Variants in LRRC4C observed in about 807,000 individuals in gnomAD.
The protein encoded by LRRC4C is leucine-rich repeat-containing protein 4C.
In LRRC4C, 5 loss-of-function variants were observed where a neutral mutation model predicts 33.6. The ratio of observed to expected loss-of-function variants is 0.15; its 90% CI spans 0.08 to 0.31. The LOEUF is 0.31. LRRC4C is among the 10% of genes least tolerant of loss of function. The probability of loss-of-function intolerance (pLI) is 1.00; values close to 1 mark genes in which losing one functional copy is unlikely to be tolerated. For missense variants in LRRC4C, 560 were observed against 796.7 expected, an observed-to-expected ratio of 0.70 and a Z score of 3.58; for synonymous variants, 329 against 302.0, an observed-to-expected ratio of 1.09 and a Z score of -0.93.
chr11:40,479,390 T>C (rs572288323), intron 3 of LRRC4C, among the ~76,000 whole-genome samples: 1 of 152,304 alleles, frequency 6.6e-6, no homozygotes, highest in Admixed American at 6.5e-5. Flanking sequence ...ACAAGGTTCC[T>C]GTCCTTCTGG....
At chr11:41,295,712 T>A (rs1301408636) in intron 1 of LRRC4C, among the ~76,000 whole-genome samples, 4 of 152,158 alleles carry the variant, frequency 2.6e-5, no homozygotes, top group Non-Finnish European at 5.9e-5. Flanking sequence ...TATCATATCA[T>A]GTCTTATATT....
chr11:40,519,977 A>T (rs539973848), intron 3 of LRRC4C, among the ~76,000 whole-genome samples: 1 of 152,188 alleles, frequency 6.6e-6, no homozygotes, highest in African/African-American at 2.4e-5. Context: ...TAGGACTTTC[A>T]TGATACAGAG....
At chr11:40,343,225 T>A (rs1384302619) in intron 3 of LRRC4C, among the ~76,000 whole-genome samples, 4 of 152,160 alleles carry the variant, frequency 2.6e-5, no homozygotes, top group Non-Finnish European at 4.4e-5. Context: ...AGGCACATAA[T>A]GAAGCAATAT....
At chr11:40,494,721 GAGA>G (rs1361044123) in intron 3 of LRRC4C, among the ~76,000 whole-genome samples, 2 of 152,122 alleles carry the variant, frequency 1.3e-5, no homozygotes, top group East Asian at 3.8e-4. Flanking sequence ...GCTTTCATAG[GAGA>G]AGAAGCACTA....
intron 2 of LRRC4C, among the ~76,000 whole-genome samples, chr11:40,772,097 C>T (rs12288685): frequency 0.16 from 24,022 of 152,136 alleles, 2,197 homozygotes; most frequent in East Asian, 0.41. Flanking sequence ...TAAAGAACTG[C>T]CCAAGACCGG....
intron 3 of LRRC4C, among the ~76,000 whole-genome samples, chr11:40,381,561 AAAGT>A (rs2137350852): frequency 6.6e-6 from 1 of 152,296 alleles, no homozygotes; most frequent in African/African-American, 2.4e-5. Context: ...GCAAATATTG[AAAGT>A]AAGCAACTGT....
chr11:40,452,161 A>G (rs539148036), intron 3 of LRRC4C, among the ~76,000 whole-genome samples: 8 of 152,256 alleles, frequency 5.3e-5, no homozygotes, highest in African/African-American at 1.9e-4. Context: ...AATGGCAACA[A>G]AAGACAAAAT....
chr11:40,883,866 T>C (rs1955302959), intron 2 of LRRC4C, among the ~76,000 whole-genome samples: 1 of 150,970 alleles, frequency 6.6e-6, no homozygotes. Flanking sequence ...ATAATGAAAC[T>C]GATATCTATG....
chr11:40,562,007 C>T (rs1179915034), intron 3 of LRRC4C, among the ~76,000 whole-genome samples: 1 of 152,086 alleles, frequency 6.6e-6, no homozygotes, highest in African/African-American at 2.4e-5. Context: ...TGAAACTATC[C>T]AATAAACTGA....
intron 3 of LRRC4C, among the ~76,000 whole-genome samples, chr11:40,601,117 T>G (rs1012114427): frequency 1.3e-5 from 2 of 152,340 alleles, no homozygotes; most frequent in Non-Finnish European, 2.9e-5. Flanking sequence ...ATTAACATTC[T>G]TCACCATCTA....
At chr11:40,422,642 C>T (rs1319809627) in intron 3 of LRRC4C, among the ~76,000 whole-genome samples, 1 of 151,446 alleles carries the variant, frequency 6.6e-6, no homozygotes, top group African/African-American at 2.4e-5. Context: ...CTGTATCAGT[C>T]ATTCTTTTCT....
intron 3 of LRRC4C, among the ~76,000 whole-genome samples, chr11:40,500,331 CACAT>C (rs1382276942): frequency 8.1e-5 from 11 of 135,098 alleles, no homozygotes; most frequent in Non-Finnish European, 1.1e-4. Context: ...CACACACACA[CACAT>C]TATATATATA....
intron 3 of LRRC4C, among the ~76,000 whole-genome samples, chr11:40,498,029 A>T (rs984773641): frequency 1.3e-5 from 2 of 152,238 alleles, no homozygotes; most frequent in African/African-American, 4.8e-5. Context: ...AAATCGACTT[A>T]CAAAAAATAT....
At chr11:40,905,230 C>T (rs1406284022) in intron 2 of LRRC4C, among the ~76,000 whole-genome samples, 5 of 152,090 alleles carry the variant, frequency 3.3e-5, no homozygotes, top group Non-Finnish European at 4.4e-5. Flanking sequence ...TACTTAATTT[C>T]AACCAGGAAA....
chr11:41,408,986 C>T (rs75229459), intron 1 of LRRC4C, among the ~76,000 whole-genome samples: 9 of 152,258 alleles, frequency 5.9e-5, no homozygotes, highest in Admixed American at 3.9e-4. Flanking sequence ...AACAGCAGGG[C>T]GAATGCCTCT....
chr11:40,130,774 A>G (rs1206766069), intron 6 of LRRC4C, among the ~76,000 whole-genome samples: 1 of 152,128 alleles, frequency 6.6e-6, no homozygotes, highest in Non-Finnish European at 1.5e-5. Context: ...TGTTCTTAAT[A>G]CAGTCTAGGC....
At chr11:40,320,281 G>A (rs936784474) in intron 3 of LRRC4C, among the ~76,000 whole-genome samples, 5 of 152,100 alleles carry the variant, frequency 3.3e-5, no homozygotes, top group Non-Finnish European at 7.4e-5. Context: ...AGAGGTGGGT[G>A]GATCACGAAG....
At chr11:40,807,009 C>A (rs996676513) in intron 2 of LRRC4C, among the ~76,000 whole-genome samples, 1 of 151,992 alleles carries the variant, frequency 6.6e-6, no homozygotes, top group African/African-American at 2.4e-5. Context: ...AAGAGAGCTA[C>A]ATTTATATTA....
intron 2 of LRRC4C, among the ~76,000 whole-genome samples, chr11:40,684,406 T>C (rs1240935008): frequency 2.6e-5 from 4 of 152,034 alleles, no homozygotes; most frequent in Admixed American, 6.6e-5. Context: ...AACTGGAAGA[T>C]AGAGATAAGG....
Sources: allele counts gnomAD v4.1 joint callset (sites outside exome capture counted in the v4.1 genomes callset), GRCh38; gene constraint gnomAD v4.1.1; transcripts MANE v1.5; gene names NCBI Gene and HGNC (gene_info 2026-07-23, HGNC 2026-07-21).